Variants in SCLT1 observed in about 807,000 individuals in gnomAD.
SCLT1 encodes sodium channel and clathrin linker 1.
In SCLT1, 78 loss-of-function variants were observed where a neutral mutation model predicts 112.8. The ratio of observed to expected loss-of-function variants is 0.69; its 90% CI spans 0.58 to 0.83. The LOEUF (loss-of-function observed/expected upper bound fraction) is 0.83. Among genes scored for constraint, SCLT1 ranks in the 40% least tolerant of loss-of-function variants. The pLI is 0.00. For missense variants in SCLT1, 747 were observed against 770.4 expected (o/e 0.97, Z 0.36); for synonymous variants, 257 against 254.7 (o/e 1.01, Z -0.09).
At chr4:129,028,061 T>C (rs1376592768) in intron 5 of SCLT1, among the ~76,000 whole-genome samples, 3 of 152,186 alleles carry the variant, frequency 2.0e-5, no homozygotes. Flanking sequence ...TCCATGCTCA[T>C]GGGCAGGAAG....
chr4:129,048,871 A>G (rs1748463270), intron 2 of SCLT1, among the ~76,000 whole-genome samples: 1 of 152,172 alleles, frequency 6.6e-6, no homozygotes, highest in East Asian at 1.9e-4. Context: ...CAAAAGACAC[A>G]TGAAAAAATG....
chr4:129,019,857 C>T lies in SCLT1; in HGVS notation c.291-15981G>A, dbSNP rs1427771806. On this transcript the variant is annotated intron_variant, in intron 5 of 20. Coordinates refer to ENST00000281142, the MANE Select transcript of SCLT1 (RefSeq NM_144643.4). ...TTGTTGTTTCCTTTTTTATGCTCCTCCAATTAATCATACACATTTTTTTTT... is the reference window on the plus strand; with the variant it reads ...TTGTTGTTTCCTTTTTTATGCTCCTTCAATTAATCATACACATTTTTTTTT... Among the ~76,000 whole-genome samples, 3 of 150,996 alleles carry T rather than the reference C, an allele frequency of 2.0e-5. No homozygotes were observed. The Admixed American group carries it at 2.0e-4, about 10-fold the overall frequency.
rs368922964 is a variant in SCLT1 at position 129,080,430 on chromosome 4, T to TA, written c.102+1875dup. Among the ~76,000 whole-genome samples the TA allele has an allele frequency of 6.4e-3, 980 of 152,286 alleles. 16 individuals are homozygous for TA. The highest frequency in any genetic ancestry group is 0.023 in the African/African-American group (943 of 41,552). On this transcript the variant is annotated intron_variant, in intron 2 of 20. Transcript: ENST00000281142. ...TTGGAAAGTTTCCTGCCAAATACCC[T>TA]AAATCATCTCTCTCAGGTTCAAAGT... is the stretch of plus-strand genomic sequence containing the variant.
intron 9 of SCLT1, among the ~76,000 whole-genome samples, chr4:128,991,430 G>A (rs1036901106): frequency 1.3e-5 from 2 of 151,708 alleles, no homozygotes; most frequent in Admixed American, 1.3e-4. Flanking sequence ...ATTTCTTGAG[G>A]AGGACTTCAA....
intron 3 of SCLT1, 125 bp from the exon 4 acceptor site, chr4:129,043,592 CT>C: frequency 5.3e-6 from 3 of 568,802 alleles, no homozygotes; most frequent in South Asian, 2.6e-5. Context: ...AAACTTTTCC[CT>C]TTTTTCCAAA....
intron 18 of SCLT1, among the ~76,000 whole-genome samples, chr4:128,901,813 TCAATC>T (rs1320901609): frequency 1.3e-5 from 2 of 152,210 alleles, no homozygotes; most frequent in African/African-American, 4.8e-5. Flanking sequence ...AAGAGATTTA[TCAATC>T]CTGTATTATA....
chr4:128,886,388 T>C (rs1488361628), intron 20 of SCLT1, among the ~76,000 whole-genome samples: 2 of 152,232 alleles, frequency 1.3e-5, no homozygotes, highest in Non-Finnish European at 2.9e-5. Flanking sequence ...ATTTTCTTCA[T>C]TTTGTTAATA....
At position 129,081,245 on chromosome 4, in the gene SCLT1, C is replaced by G. The variant is rs564748314; in HGVS notation, c.102+1061G>C. On this transcript the variant is annotated intron_variant, in intron 2 of 20. Transcript: ENST00000281142. ...CTCCCTCATGAGCCTTTTCCTCATC[C>G]CTTCCTACCCCTCCCATATGCCCTA... 1.2e-3 allele frequency among the ~76,000 whole-genome samples: 177 copies of G among 152,302 alleles called. 2 individuals are homozygous for G. Among genetic ancestry groups the G allele is most frequent in the Non-Finnish European group, 4.9e-4 (33 of 68,030 alleles).
intron 2 of SCLT1, among the ~76,000 whole-genome samples, chr4:129,056,980 G>C (rs1414962110): frequency 6.6e-6 from 1 of 152,172 alleles, no homozygotes. Context: ...GTCATATATG[G>C]TCTTAATTGG....
chr4:129,024,300 A>G (rs1022788765), intron 5 of SCLT1, among the ~76,000 whole-genome samples: 1 of 152,214 alleles, frequency 6.6e-6, no homozygotes, highest in Non-Finnish European at 1.5e-5. Context: ...GGCACCCCCA[A>G]GTAGGGGCAG....
At chr4:128,990,252 A>G (rs1742443650) in intron 9 of SCLT1, among the ~76,000 whole-genome samples, 1 of 152,066 alleles carries the variant, frequency 6.6e-6, no homozygotes, top group Non-Finnish European at 1.5e-5. Flanking sequence ...ATCATTCTTC[A>G]TGATCAAGTG....
chr4:129,057,556 G>GTT (rs35509030), intron 2 of SCLT1, among the ~76,000 whole-genome samples: 23 of 140,400 alleles, frequency 1.6e-4, no homozygotes, highest in African/African-American at 5.8e-4. Flanking sequence ...TCCTGAGCTA[G>GTT]TTTTTTTTTT....
At chr4:128,985,779 A>G (rs1464485773) in intron 9 of SCLT1, among the ~76,000 whole-genome samples, 1 of 152,144 alleles carries the variant, frequency 6.6e-6, no homozygotes, top group Non-Finnish European at 1.5e-5. Flanking sequence ...GGGTTTCACC[A>G]TGTTGGCCAG....
chr4:128,874,315 AAATT>A (rs1389589096), intron 5 of SCLT1: 4 of 152,732 alleles, frequency 2.6e-5, no homozygotes, highest in African/African-American at 4.8e-5. Flanking sequence ...AAGAAAATCT[AAATT>A]AATCTAGTAA....
Position 128,992,178 on chromosome 4 carries a change from T to G in SCLT1, c.675A>C (p.Arg225=). ...ATTTTTGAAAATACCTAAGTTTTTT[T>G]CGGAGTTGTTCGATTATCACACTTT... The part of the protein sequence containing the change: ...TEQSVIIEQL[R]KKLRQAKLEL... The change falls in exon 9 of 21, where the codon CGA becomes CGC. Residue 225 remains arginine (R), a synonymous_variant. Transcript: ENST00000281142. The G allele has an allele frequency of 6.3e-7, 1 of 1,589,784 alleles. No homozygotes were observed. The highest frequency in any genetic ancestry group is 8.6e-7 in the Non-Finnish European group (1 of 1,164,298).
intron 18 of SCLT1, among the ~76,000 whole-genome samples, chr4:128,900,031 C>T (rs924356832): frequency 2.0e-5 from 3 of 152,084 alleles, no homozygotes; most frequent in Non-Finnish European, 1.5e-5. Flanking sequence ...AAAGAGGATA[C>T]AAACAAATGG....
chr4:129,069,691 C>G (rs1750812184), intron 2 of SCLT1, among the ~76,000 whole-genome samples: 1 of 152,096 alleles, frequency 6.6e-6, no homozygotes, highest in Admixed American at 6.6e-5. Context: ...ATGATCATAT[C>G]ATCAGCAAAC....
At chr4:129,091,530 C>T (rs1253908529) in intron 1 of SCLT1, among the ~76,000 whole-genome samples, 2 of 152,052 alleles carry the variant, frequency 1.3e-5, no homozygotes, top group African/African-American at 2.4e-5. Context: ...CCAAACTCCT[C>T]ATCAACCAAT....
intron 17 of SCLT1, among the ~76,000 whole-genome samples, chr4:128,938,940 C>T (rs1325847550): frequency 6.6e-6 from 1 of 152,140 alleles, no homozygotes; most frequent in Non-Finnish European, 1.5e-5. Flanking sequence ...CAAGATCACG[C>T]CATTGCACTC....
Sources: allele counts gnomAD v4.1 joint callset (sites outside exome capture counted in the v4.1 genomes callset), GRCh38; gene constraint gnomAD v4.1.1; transcripts MANE v1.5; gene names NCBI Gene and HGNC (gene_info 2026-07-23, HGNC 2026-07-21).